Variants in SARDH observed in about 807,000 individuals in gnomAD.
SARDH encodes sarcosine dehydrogenase.
SARDH carries 95 observed loss-of-function variants against 109.1 expected under a neutral mutation model. The observed-to-expected ratio is 0.87, with a 90% CI of 0.74 to 1.03. The LOEUF (loss-of-function observed/expected upper bound fraction) is 1.03, where lower values mean the gene tolerates loss of function less well. Among genes scored for constraint, SARDH ranks in the 50% least tolerant of loss-of-function variants. The pLI is 0.00. For synonymous variants in SARDH, 572 were observed against 534.8 expected, an observed-to-expected ratio of 1.07 and a Z score of -0.96; for missense variants, 1,267 against 1,287.8, an observed-to-expected ratio of 0.98 and a Z score of 0.25.
In SARDH at chr9:133,671,698, C is replaced by G. The variant is rs1830357898; in HGVS notation, c.2164-1G>C. On this transcript the variant is annotated splice_acceptor_variant, in intron 17 of 20. Transcript: ENST00000439388. LOFTEE classifies it high-confidence loss of function. ...CAAAGGACAGCCGCATGGCTCGGAC[C>G]TGGGGGACAAGGTCATGGCTTAGAT... 1 of 1,567,072 alleles carries G rather than the reference C, an allele frequency of 6.4e-7. No individual in the cohort carries two copies. The highest frequency in any genetic ancestry group is 1.2e-5 in the South Asian group (1 of 85,384).
At chr9:133,721,320 C>T (rs192374926) in intron 6 of SARDH, among the ~76,000 whole-genome samples, 39 of 152,308 alleles carry the variant, frequency 2.6e-4, no homozygotes, top group African/African-American at 5.5e-4. Flanking sequence ...ACTCTTCAAA[C>T]GTCTAATGGA....
At chr9:133,714,637 G>A (rs1007098647) in intron 8 of SARDH, among the ~76,000 whole-genome samples, 4 of 152,166 alleles carry the variant, frequency 2.6e-5, no homozygotes, top group South Asian at 2.1e-4. Flanking sequence ...AAAATTAGCC[G>A]GATGTGGTGG....
rs1831618389 is a variant in SARDH, at chr9:133,704,625, T to A, written c.1554+323A>T. Among the ~76,000 whole-genome samples the A allele has an allele frequency of 6.6e-6, 1 of 151,484 alleles. No homozygotes were observed. The highest frequency in any genetic ancestry group is 2.1e-4 in the South Asian group (1 of 4,766). ...CCATTCCTCCTGCAACCTGGGGGAG[T>A]CTTCTTGCTGTCTCCCCACCGCAGG... On this transcript the variant is annotated intron_variant, in intron 12 of 20. Coordinates refer to ENST00000439388, the MANE Select transcript of SARDH (RefSeq NM_001134707.2). The surrounding 1 kb of genome is among the most constrained non-coding windows in gnomAD (Gnocchi z 4.5).
intron 17 of SARDH, among the ~76,000 whole-genome samples, chr9:133,683,450 GCAGAC>G (rs1050633079): frequency 1.8e-4 from 28 of 152,346 alleles, no homozygotes; most frequent in African/African-American, 6.0e-4. Flanking sequence ...GAACCCAGCT[GCAGAC>G]AAAGCTGGAT....
In SARDH at chr9:133,732,591, C is replaced by G. The variant is rs1400630866; in HGVS notation, c.342G>C (p.Trp114Cys). The G allele has an allele frequency of 6.2e-7, 1 of 1,607,074 alleles. No individual in the cohort carries two copies. The change falls in exon 3 of 21, where the codon TGG becomes TGC. Residue 114 changes from tryptophan (W) to cysteine (C), a missense_variant. Transcript: ENST00000439388. ...CCTCCACGTCACTGGGCCGCAGCTGCCACAGCAGGCCTGCCCGGGAGGGTG... is the reference window on the plus strand; with the variant it reads ...CCTCCACGTCACTGGGCCGCAGCTGGCACAGCAGGCCTGCCCGGGAGGGTG... ...GTTWHTAGLL[W>C]QLRPSDVEVE...
At chr9:133,722,198 A>C (rs991798068) in intron 6 of SARDH, among the ~76,000 whole-genome samples, 1 of 152,198 alleles carries the variant, frequency 6.6e-6, no homozygotes, top group Non-Finnish European at 1.5e-5. Context: ...AATGTATGAA[A>C]ACCAATCAAT....
At chr9:133,703,893 G>C (rs1831587395) in intron 12 of SARDH, among the ~76,000 whole-genome samples, 1 of 152,158 alleles carries the variant, frequency 6.6e-6, no homozygotes, top group Non-Finnish European at 1.5e-5. Context: ...GCCCTGCCAA[G>C]GTGTCCTGGA....
chr9:133,738,972 G>T (rs1832974328), upstream of SARDH, among the ~76,000 whole-genome samples: 1 of 152,218 alleles, frequency 6.6e-6, no homozygotes, highest in Non-Finnish European at 1.5e-5. Flanking sequence ...CCAGGGCAGG[G>T]ATTCCAGCCT....
rs1477713851 is a variant in SARDH at position 133,692,896 on chromosome 9, A to G, written c.1921+1362T>C. Among the ~76,000 whole-genome samples the G allele has an allele frequency of 2.6e-5, 4 of 152,042 alleles. No homozygotes were observed. The highest frequency in any genetic ancestry group is 9.7e-5 in the African/African-American group (4 of 41,400). Reference sequence around the variant, plus strand: ...GGGGTGGGCGAGCTCTGCGCACCCCATAGGACCCCTCACTCACGCTCTCAG... The same window carrying G: ...GGGGTGGGCGAGCTCTGCGCACCCCGTAGGACCCCTCACTCACGCTCTCAG... On this transcript the variant is annotated intron_variant, in intron 15 of 20. Coordinates refer to ENST00000439388, the MANE Select transcript of SARDH (RefSeq NM_001134707.2). The surrounding 1 kb of genome is among the most constrained non-coding windows in gnomAD (Gnocchi z 5.0).
At position 133,709,968 on chromosome 9, in the gene SARDH, T is replaced by G. The variant is rs532747388; in HGVS notation, c.1329-1540A>C. On this transcript the variant is annotated intron_variant, in intron 10 of 20. Transcript: ENST00000439388. This position sits in a 1 kb window ranked among gnomAD's most constrained non-coding sequence, Gnocchi z 4.2. The stretch of plus-strand genomic sequence containing the variant: ...AGGATTCTTGGGGGCAGCAGTGAGG[T>G]GCACGTCGGGTGGCAGGAGCAGCGA... Among the ~76,000 whole-genome samples, 62 of 152,160 alleles carry G rather than the reference T, an allele frequency of 4.1e-4. No individual in the cohort carries two copies. Among genetic ancestry groups the G allele is most frequent in the Middle Eastern group, 6.8e-3 (2 of 294 alleles).
Position 133,718,902 on chromosome 9 carries a change from A to T in SARDH, c.1020+36T>A, listed in dbSNP as rs762044811. On this transcript the variant is annotated intron_variant, in intron 7 of 20. Transcript: ENST00000439388. The surrounding 1 kb of genome is among the most constrained non-coding windows in gnomAD (Gnocchi z 4.2). ...CTCTCCATGCTGAGATGCAGCCCCAACTCCCTCCCATTATCCCAGGGCCCT... is the reference window on the plus strand; with the variant it reads ...CTCTCCATGCTGAGATGCAGCCCCATCTCCCTCCCATTATCCCAGGGCCCT... 1 of 1,497,392 alleles carries T rather than the reference A, an allele frequency of 6.7e-7. No homozygotes were observed. The highest frequency in any genetic ancestry group is 1.1e-5 in the South Asian group (1 of 88,390). 92.8% of individuals were successfully genotyped at this position (1,497,392 alleles called of 1,614,324 possible). A position where few individuals can be genotyped will look rare whatever the true frequency, so the allele number is the denominator to read the frequency against.
chr9:133,696,080 G>A (rs886865517), intron 14 of SARDH, 143 bp downstream of exon 14: 4 of 942,784 alleles, frequency 4.2e-6, no homozygotes, highest in African/African-American at 3.2e-5. Context: ...GGCCGGACGG[G>A]GGGGAGCTCA....
chr9:133,698,140 G>A (rs1831357535), intron 13 of SARDH, among the ~76,000 whole-genome samples: 1 of 151,714 alleles, frequency 6.6e-6, no homozygotes. Context: ...GCAATGAACA[G>A]TCTCAAAAGG....
In SARDH at chr9:133,708,361, T is replaced by C. The variant is rs546178616; in HGVS notation, c.1396A>G (p.Lys466Glu). ...TGGGGGAAGACGACGGAGTAGTTCT[T>C]GGCGTAGGACTCATGGCTTCGCTCT... ...IRERSHESYA[K>E]NYSVVFPHDE... Residue 466 changes from lysine to glutamate, a missense_variant, in exon 11 of 21, where the codon AAG becomes GAG. Physicochemically the swap from Lys to Glu is moderately conservative, Grantham distance 56. Transcript: ENST00000439388. 1.9e-5 allele frequency: 31 copies of C among 1,613,364 alleles called. No individual in the cohort carries two copies. The South Asian group carries it at 3.0e-4, about 15-fold the overall frequency.
In SARDH at chr9:133,728,736, C is replaced by T. The variant is rs967584794; in HGVS notation, c.915+1029G>A. Among the ~76,000 whole-genome samples, 2 of 152,148 alleles carry T rather than the reference C, an allele frequency of 1.3e-5. No homozygotes were observed. Among genetic ancestry groups the T allele is most frequent in the African/African-American group, 4.8e-5 (2 of 41,430 alleles). On this transcript the variant is annotated intron_variant, in intron 6 of 20. Transcript: ENST00000439388. The surrounding 1 kb of genome is among the most constrained non-coding windows in gnomAD (Gnocchi z 5.0). ...AGCTTCTAGAATAGGGCCTGAAACA[C>T]CAAGCTCACCCATCAATGTCTGATG...
intron 17 of SARDH, among the ~76,000 whole-genome samples, chr9:133,683,157 A>T (rs1382003343): frequency 6.6e-6 from 1 of 152,168 alleles, no homozygotes. Flanking sequence ...GTAGAGGCTG[A>T]CCCAGGCAGC....
chr9:133,733,508 C>T (rs1832756657), intron 2 of SARDH, among the ~76,000 whole-genome samples: 1 of 152,174 alleles, frequency 6.6e-6, no homozygotes. Context: ...CGTCCTTCTC[C>T]ACTCCCTGGA....
rs770763975 is a variant in SARDH at position 133,731,284 on chromosome 9, G to C, written c.690+21C>G. The C allele has an allele frequency of 5.6e-6, 9 of 1,612,844 alleles. No homozygotes were observed. In the East Asian group the frequency reaches 1.8e-4, roughly 32 times the overall value. ...GAGTGGGCTGGGAACAGGGGACCCA[G>C]AGCCAGGCGGCCATCAGTACCTGTG... is the stretch of plus-strand genomic sequence containing the variant. On this transcript the variant is annotated intron_variant, in intron 4 of 20. Coordinates refer to ENST00000439388, the MANE Select transcript of SARDH (RefSeq NM_001134707.2).
intron 17 of SARDH, among the ~76,000 whole-genome samples, chr9:133,673,132 G>C (rs1213687069): frequency 6.6e-6 from 1 of 152,358 alleles, no homozygotes; most frequent in East Asian, 1.9e-4. Context: ...GGGAGGGTGT[G>C]TCCCGCACGC....
Sources: allele counts gnomAD v4.1 joint callset (sites outside exome capture counted in the v4.1 genomes callset), GRCh38; gene constraint gnomAD v4.1.1; non-coding constraint Gnocchi (gnomAD v3.1); transcripts MANE v1.5; gene names NCBI Gene and HGNC (gene_info 2026-07-23, HGNC 2026-07-21).